The following CDH10 variants were observed in gnomAD, a reference collection of about 807,000 sequenced individuals.
The protein encoded by CDH10 is cadherin 10.
Under a neutral mutation model 73.1 loss-of-function variants are expected in CDH10, and 30 were observed. The observed-to-expected ratio is 0.41, with a 90% confidence interval of 0.31 to 0.56. The LOEUF (loss-of-function observed/expected upper bound fraction) is 0.56. Among genes scored for constraint, CDH10 ranks in the 20% least tolerant of loss-of-function variants. The probability of loss-of-function intolerance (pLI) is 0.27; values close to 1 mark genes in which losing one functional copy is unlikely to be tolerated. For synonymous variants in CDH10, 345 were observed against 348.2 expected (o/e 0.99, Z 0.10); for missense variants, 815 against 973.7 (o/e 0.84, Z 2.17).
intron 2 of CDH10, among the ~76,000 whole-genome samples, chr5:24,560,600 T>C (rs1744925371): frequency 6.6e-6 from 1 of 152,042 alleles, no homozygotes; most frequent in African/African-American, 2.4e-5. Context: ...AATTACAGCT[T>C]GTATAAATAG....
chr5:24,504,531 T>TTTTTTAAGATGGAA (rs1742621582), intron 8 of CDH10, among the ~76,000 whole-genome samples: 1 of 126,080 alleles, frequency 7.9e-6, no homozygotes, highest in Non-Finnish European at 1.7e-5. Flanking sequence ...TTTTTTTTTT[T>TTTTTTAAGATGGAA]TTTTTTTTTT....
At chr5:24,621,069 A>C (rs933005489) in intron 1 of CDH10, among the ~76,000 whole-genome samples, 1 of 152,180 alleles carries the variant, frequency 6.6e-6, no homozygotes, top group Non-Finnish European at 1.5e-5. Flanking sequence ...GGCCTGATGC[A>C]GTTTAATTCA....
At chr5:24,547,542 G>A (rs1744388614) in intron 2 of CDH10, among the ~76,000 whole-genome samples, 2 of 152,102 alleles carry the variant, frequency 1.3e-5, no homozygotes, top group South Asian at 2.1e-4. Flanking sequence ...TTGGTAAACT[G>A]AAGGTCTTCA....
intron 2 of CDH10, among the ~76,000 whole-genome samples, chr5:24,578,992 A>G (rs1207270161): frequency 6.6e-6 from 1 of 152,092 alleles, no homozygotes; most frequent in African/African-American, 2.4e-5. Flanking sequence ...ATAATTACCA[A>G]TATTGACTTC....
chr5:24,524,676 A>G (rs1579759391), intron 5 of CDH10, among the ~76,000 whole-genome samples: 2 of 152,216 alleles, frequency 1.3e-5, no homozygotes, highest in East Asian at 3.9e-4. Context: ...TACCCATTTA[A>G]GCACAAAGGC....
intron 1 of CDH10, among the ~76,000 whole-genome samples, chr5:24,630,369 T>C (rs202236823): frequency 1.3e-5 from 2 of 151,966 alleles, no homozygotes; most frequent in South Asian, 2.1e-4. Context: ...CTGGCCAATA[T>C]GGTGGAACCC....
intron 1 of CDH10, among the ~76,000 whole-genome samples, chr5:24,633,987 T>G (rs143289214): frequency 6.6e-6 from 1 of 151,958 alleles, no homozygotes; most frequent in African/African-American, 2.4e-5. Context: ...ACCAGAAATA[T>G]TAGCAGCAAT....
At chr5:24,572,456 G>C (rs1053563109) in intron 2 of CDH10, among the ~76,000 whole-genome samples, 2 of 151,886 alleles carry the variant, frequency 1.3e-5, no homozygotes, top group Non-Finnish European at 2.9e-5. Flanking sequence ...CACGGGGAGA[G>C]GATTTCTGGA....
At chr5:24,540,932 A>G (rs1264147965) in intron 2 of CDH10, among the ~76,000 whole-genome samples, 3 of 151,968 alleles carry the variant, frequency 2.0e-5, no homozygotes, top group African/African-American at 7.2e-5. Context: ...TGGATAATCT[A>G]ATTGTACATA....
At position 24,511,683 on chromosome 5, in the gene CDH10, A is replaced by G. The variant is rs1742917213; in HGVS notation, c.815-169T>C. Among the ~76,000 whole-genome samples the G allele has an allele frequency of 2.0e-5, 3 of 152,218 alleles. No homozygotes were observed. The South Asian group carries it at 6.2e-4, about 31-fold the overall frequency. The stretch of plus-strand genomic sequence containing the variant: ...TCAGATGTTGACAAATGATGAATAC[A>G]CATAACATGGATAACATTAAGGTCT... On this transcript the variant is annotated intron_variant, in intron 5 of 11. Transcript: ENST00000264463.
At chr5:24,568,073 C>T (rs1171454766) in intron 2 of CDH10, among the ~76,000 whole-genome samples, 1 of 152,056 alleles carries the variant, frequency 6.6e-6, no homozygotes, top group African/African-American at 2.4e-5. Context: ...GGTTCATGAT[C>T]TATTCTCCAG....
chr5:24,638,523 G>A (rs887641255), intron 1 of CDH10, among the ~76,000 whole-genome samples: 11 of 151,682 alleles, frequency 7.3e-5, no homozygotes, highest in Non-Finnish European at 1.3e-4. Context: ...ATCTCCAAAG[G>A]AATAACTAAA....
intron 9 of CDH10, among the ~76,000 whole-genome samples, chr5:24,495,435 G>A (rs1047483617): frequency 2.0e-5 from 3 of 152,138 alleles, no homozygotes; most frequent in African/African-American, 7.2e-5. Context: ...GTCTGGAACC[G>A]TGAATGGGTT....
At chr5:24,587,650 C>A (rs1008528426) in intron 2 of CDH10, among the ~76,000 whole-genome samples, 1 of 152,064 alleles carries the variant, frequency 6.6e-6, no homozygotes, top group African/African-American at 2.4e-5. Context: ...ATCACTGACT[C>A]CATTTTCATA....
chr5:24,546,149 T>A (rs1039397690), intron 2 of CDH10, among the ~76,000 whole-genome samples: 2 of 152,076 alleles, frequency 1.3e-5, no homozygotes, highest in Non-Finnish European at 2.9e-5. Flanking sequence ...AGCATTTTTT[T>A]AAAAGGCTAT....
intron 2 of CDH10, among the ~76,000 whole-genome samples, chr5:24,538,152 C>A (rs914512328): frequency 6.6e-6 from 1 of 151,984 alleles, no homozygotes; most frequent in African/African-American, 2.4e-5. Flanking sequence ...ACAAGCAAAG[C>A]TGTAGGAGAC....
rs532638621 is a variant in CDH10, at chr5:24,641,946, ACT to A, written c.-124+2646_-124+2647del. 1.7e-4 allele frequency among the ~76,000 whole-genome samples: 26 copies of A among 152,244 alleles called. No individual in the cohort carries two copies. In the East Asian group the frequency reaches 5.0e-3, roughly 29 times the overall value. ...ACTTATAATTGGCATAAATAATTTT[ACT>A]GTTTTTCTATTTATAATTTCAGTAT... On this transcript the variant is annotated intron_variant, in intron 1 of 11. Transcript: ENST00000264463.
intron 2 of CDH10, among the ~76,000 whole-genome samples, chr5:24,577,520 A>C (rs1745648649): frequency 6.6e-6 from 1 of 152,192 alleles, no homozygotes; most frequent in African/African-American, 2.4e-5. Context: ...CTCTGGCAGG[A>C]AATATTAGAT....
rs868307814 is a variant in CDH10 at position 24,504,499 on chromosome 5, T to C, written c.1393+613A>G. On this transcript the variant is annotated intron_variant, in intron 8 of 11. Transcript: ENST00000264463. ...AAATTTATATTAAATGCTTTTCTCCTATTAATCTTTTTTTTTTTTTTTTTT... is the reference window on the plus strand; with the variant it reads ...AAATTTATATTAAATGCTTTTCTCCCATTAATCTTTTTTTTTTTTTTTTTT... Among the ~76,000 whole-genome samples the C allele has an allele frequency of 9.4e-3, 1,279 of 136,486 alleles. 48 individuals are homozygous for C. The highest frequency in any genetic ancestry group is 0.033 in the African/African-American group (1,220 of 36,870). The allele number at this position is 136,486 out of a possible 152,430, so 89.5% of individuals were successfully genotyped here.
Sources: gnomAD v4.1 joint callset for allele counts (sites outside exome capture counted in the v4.1 genomes callset) on GRCh38, gnomAD v4.1.1 for gene constraint, MANE v1.5 for transcripts, NCBI Gene and HGNC (gene_info 2026-07-23, HGNC 2026-07-21) for gene names.